Variants in GRM8 observed in about 807,000 individuals in gnomAD.
GRM8 encodes glutamate metabotropic receptor 8.
GRM8 carries 47 observed loss-of-function variants against 87.2 expected under a neutral mutation model. That is an observed-to-expected ratio of 0.54 (90% CI 0.43 to 0.69). GRM8 has a LOEUF of 0.69. Among genes scored for constraint, GRM8 ranks in the 30% least tolerant of loss-of-function variants. The probability of loss-of-function intolerance (pLI) is 0.00; values close to 1 mark genes in which losing one functional copy is unlikely to be tolerated. For synonymous variants in GRM8, 396 were observed against 404.5 expected (o/e 0.98, Z 0.25); for missense variants, 1,019 against 1,139.2 (o/e 0.89, Z 1.52).
At chr7:126,985,715 C>G (rs1363830666) in intron 3 of GRM8, among the ~76,000 whole-genome samples, 2 of 152,100 alleles carry the variant, frequency 1.3e-5, no homozygotes, top group African/African-American at 4.8e-5. Flanking sequence ...GTCTCTCTTC[C>G]TCTTCTGATA....
chr7:126,517,962 C>A (rs1253615889), intron 9 of GRM8, among the ~76,000 whole-genome samples: 2 of 151,994 alleles, frequency 1.3e-5, no homozygotes, highest in Non-Finnish European at 2.9e-5. Flanking sequence ...TACAAAAGTA[C>A]TTTAAAGTGT....
intron 9 of GRM8, among the ~76,000 whole-genome samples, chr7:126,516,411 A>G (rs1562907627): frequency 1.3e-5 from 2 of 152,100 alleles, no homozygotes; most frequent in African/African-American, 4.8e-5. Context: ...TCTTATGGAG[A>G]ACTGAGACCC....
intron 2 of GRM8, among the ~76,000 whole-genome samples, chr7:127,179,012 T>G (rs916719544): frequency 5.3e-5 from 8 of 152,120 alleles, no homozygotes; most frequent in Non-Finnish European, 1.0e-4. Context: ...ACCTCACATA[T>G]CAATACTACA....
intron 6 of GRM8, among the ~76,000 whole-genome samples, chr7:126,883,292 C>T (rs1238541504): frequency 6.6e-6 from 1 of 152,124 alleles, no homozygotes; most frequent in Non-Finnish European, 1.5e-5. Flanking sequence ...TTTAACTATG[C>T]AACTGGTAGA....
intron 8 of GRM8, among the ~76,000 whole-genome samples, chr7:126,606,933 T>C (rs1798420342): frequency 2.0e-5 from 3 of 152,238 alleles, no homozygotes; most frequent in Non-Finnish European, 4.4e-5. Flanking sequence ...TTATGTTATG[T>C]AATGGTGTTG....
At chr7:126,724,092 C>T (rs923467016) in intron 7 of GRM8, among the ~76,000 whole-genome samples, 1 of 152,002 alleles carries the variant, frequency 6.6e-6, no homozygotes, top group Non-Finnish European at 1.5e-5. Flanking sequence ...TTGGAGATAT[C>T]GTGATTCACT....
intron 9 of GRM8, among the ~76,000 whole-genome samples, chr7:126,508,928 C>T (rs868526193): frequency 3.3e-5 from 5 of 152,124 alleles, no homozygotes; most frequent in Middle Eastern, 3.4e-3. Flanking sequence ...TTGCAAGTAC[C>T]AACGTAATTA....
At chr7:126,722,454 C>T (rs1310764617) in intron 7 of GRM8, among the ~76,000 whole-genome samples, 1 of 152,152 alleles carries the variant, frequency 6.6e-6, no homozygotes, top group East Asian at 1.9e-4. Context: ...CCTTTTAGAT[C>T]TTTCTGCCTC....
intron 6 of GRM8, among the ~76,000 whole-genome samples, chr7:126,880,489 G>T (rs1273224039): frequency 6.6e-6 from 1 of 152,120 alleles, no homozygotes; most frequent in Non-Finnish European, 1.5e-5. Context: ...TCCACATAAA[G>T]TCCAAGAGCT....
intron 3 of GRM8, chr7:127,084,748 T>C (rs138958085): frequency 5.6e-4 from 85 of 152,308 alleles, no homozygotes; most frequent in African/African-American, 2.0e-3. Context: ...ACTTACCCAC[T>C]CATACTGGTG....
At chr7:127,050,602 G>A (rs1347441881) in intron 3 of GRM8, among the ~76,000 whole-genome samples, 1 of 152,298 alleles carries the variant, frequency 6.6e-6, no homozygotes, top group Admixed American at 6.5e-5. Flanking sequence ...TGAAGGCAGA[G>A]GTGTCCAGAG....
At chr7:126,944,897 A>T (rs532417345) in intron 3 of GRM8, among the ~76,000 whole-genome samples, 1 of 152,342 alleles carries the variant, frequency 6.6e-6, no homozygotes, top group East Asian at 1.9e-4. Context: ...TTCAATAATA[A>T]TCAGAGAAAT....
intron 6 of GRM8, among the ~76,000 whole-genome samples, chr7:126,780,212 G>C (rs1819910594): frequency 6.6e-6 from 1 of 152,092 alleles, no homozygotes; most frequent in South Asian, 2.1e-4. Context: ...GATCTGCCTA[G>C]GTTCAAATCT....
chr7:126,934,467 G>A (rs1003361566), intron 3 of GRM8, among the ~76,000 whole-genome samples: 5 of 152,044 alleles, frequency 3.3e-5, no homozygotes, highest in African/African-American at 1.2e-4. Context: ...AAAGGCAAAT[G>A]AATAAAATAT....
At chr7:126,766,892 C>G (rs1818258025) in intron 7 of GRM8, among the ~76,000 whole-genome samples, 1 of 152,150 alleles carries the variant, frequency 6.6e-6, no homozygotes, top group Non-Finnish European at 1.5e-5. Context: ...TTTCTAGGTT[C>G]CTAACAGCTA....
chr7:126,859,591 G>A (rs1477651131), intron 6 of GRM8, among the ~76,000 whole-genome samples: 2 of 152,196 alleles, frequency 1.3e-5, no homozygotes, highest in African/African-American at 4.8e-5. Context: ...TTAAGAGCCA[G>A]TGCATGCTAA....
chr7:127,173,165 CA>C (rs1432734112), intron 2 of GRM8, among the ~76,000 whole-genome samples: 1 of 152,080 alleles, frequency 6.6e-6, no homozygotes, highest in Non-Finnish European at 1.5e-5. Flanking sequence ...AAATAACAAA[CA>C]TAATGAACAA....
chr7:126,555,531 A>G (rs942209679), intron 8 of GRM8, among the ~76,000 whole-genome samples: 1 of 152,156 alleles, frequency 6.6e-6, no homozygotes, highest in African/African-American at 2.4e-5. Flanking sequence ...AAATACCTGC[A>G]TTTACTATAT....
intron 7 of GRM8, among the ~76,000 whole-genome samples, chr7:126,728,310 G>A (rs1464540515): frequency 6.6e-6 from 1 of 152,178 alleles, no homozygotes; most frequent in Non-Finnish European, 1.5e-5. Context: ...TGACAGCGCT[G>A]CTTGGAATGC....
Sources: gnomAD v4.1 joint callset for allele counts (sites outside exome capture counted in the v4.1 genomes callset) on GRCh38, gnomAD v4.1.1 for gene constraint, MANE v1.5 for transcripts, NCBI Gene and HGNC (gene_info 2026-07-23, HGNC 2026-07-21) for gene names.